Variants in SLC10A7 observed in about 807,000 individuals in gnomAD.
SLC10A7 encodes the protein sodium/bile acid cotransporter 7.
In SLC10A7, 29 loss-of-function variants were observed where a neutral mutation model predicts 43.2. The observed-to-expected ratio is 0.67, with a 90% CI of 0.50 to 0.92. The LOEUF (loss-of-function observed/expected upper bound fraction) is 0.92, where lower values mean the gene tolerates loss of function less well. Among genes scored for constraint, SLC10A7 ranks in the 40% least tolerant of loss-of-function variants. The pLI is 0.00. For missense variants in SLC10A7, 295 were observed against 403.2 expected, an observed-to-expected ratio of 0.73 and a Z score of 2.30; for synonymous variants, 152 against 144.8, an observed-to-expected ratio of 1.05 and a Z score of -0.35.
At chr4:146,391,823 C>A (rs973413999) in intron 5 of SLC10A7, among the ~76,000 whole-genome samples, 5 of 152,212 alleles carry the variant, frequency 3.3e-5, no homozygotes, top group African/African-American at 1.2e-4. Context: ...ATCTTCCATA[C>A]ATTCTGCTGT....
rs565297945 is a variant in SLC10A7, at chr4:146,442,773, G to C, written c.435+10C>G. 1.2e-5 allele frequency: 19 copies of C among 1,602,682 alleles called. No individual in the cohort carries two copies. In the South Asian group the frequency reaches 2.2e-4, roughly 18 times the overall value. On this transcript the variant is annotated intron_variant, in intron 5 of 11. Coordinates refer to ENST00000335472, the MANE Select transcript of SLC10A7 (RefSeq NM_001029998.6). ...AGTTGTAATAGACAAGTTAAACTATGTTTACTTACCAAAAAACTTCCAAAG... is the reference window on the plus strand; with the variant it reads ...AGTTGTAATAGACAAGTTAAACTATCTTTACTTACCAAAAAACTTCCAAAG...
intron 10 of SLC10A7, among the ~76,000 whole-genome samples, chr4:146,273,826 C>A (rs1729042564): frequency 6.6e-6 from 1 of 152,108 alleles, no homozygotes; most frequent in Non-Finnish European, 1.5e-5. Flanking sequence ...GCTGCCCAAA[C>A]TCCCACTGGC....
At chr4:146,439,275 T>C (rs1730429802) in intron 5 of SLC10A7, among the ~76,000 whole-genome samples, 3 of 152,184 alleles carry the variant, frequency 2.0e-5, no homozygotes, top group Non-Finnish European at 4.4e-5. Context: ...ACTGTTTAAA[T>C]TAGACCTGGG....
intron 5 of SLC10A7, among the ~76,000 whole-genome samples, chr4:146,358,641 C>A (rs560998407): frequency 6.6e-6 from 1 of 152,204 alleles, no homozygotes; most frequent in African/African-American, 2.4e-5. Flanking sequence ...TGCCTGCCTT[C>A]TTTTACTTAG....
At chr4:146,421,708 C>A (rs554710856) in intron 5 of SLC10A7, among the ~76,000 whole-genome samples, 4 of 151,994 alleles carry the variant, frequency 2.6e-5, no homozygotes, top group Admixed American at 2.6e-4. Context: ...TACCAGGTAC[C>A]GTATTTGCCA....
intron 5 of SLC10A7, among the ~76,000 whole-genome samples, chr4:146,344,703 G>C (rs963061149): frequency 6.6e-6 from 1 of 151,620 alleles, no homozygotes; most frequent in Non-Finnish European, 1.5e-5. Context: ...GATATCAAAA[G>C]AGATTTGATA....
intron 4 of SLC10A7, among the ~76,000 whole-genome samples, chr4:146,501,229 T>C (rs1384939303): frequency 3.9e-5 from 6 of 152,216 alleles, no homozygotes; most frequent in Non-Finnish European, 7.3e-5. Flanking sequence ...ATATCTCTAG[T>C]TTAGACCACT....
intron 5 of SLC10A7, among the ~76,000 whole-genome samples, chr4:146,355,641 A>T (rs1283740315): frequency 6.6e-6 from 1 of 152,018 alleles, no homozygotes; most frequent in Non-Finnish European, 1.5e-5. Context: ...AACCAACGCA[A>T]ATGTCTAACA....
chr4:146,258,863 C>G lies in SLC10A7; in HGVS notation c.848-26G>C, dbSNP rs368293128. 7 of 1,596,328 alleles carry G rather than the reference C, an allele frequency of 4.4e-6. No homozygotes were observed. The African/African-American group carries it at 8.1e-5, about 19-fold the overall frequency. ...CTGTTGAACAAAGAAGACAGAAAACCTAAACCAAATTCAGTCTGTCATCAA... is the reference window on the plus strand; with the variant it reads ...CTGTTGAACAAAGAAGACAGAAAACGTAAACCAAATTCAGTCTGTCATCAA... On this transcript the variant is annotated intron_variant, in intron 10 of 11. Transcript: ENST00000335472.
chr4:146,448,230 A>T (rs1023761669), intron 4 of SLC10A7, among the ~76,000 whole-genome samples: 6 of 152,052 alleles, frequency 3.9e-5, no homozygotes, highest in Admixed American at 6.5e-5. Flanking sequence ...TAATAAAATT[A>T]AAAAATAAAA....
At chr4:146,349,523 G>C (rs1734867234) in intron 5 of SLC10A7, among the ~76,000 whole-genome samples, 1 of 152,102 alleles carries the variant, frequency 6.6e-6, no homozygotes, top group African/African-American at 2.4e-5. Flanking sequence ...ACATCCAAAA[G>C]AAAATAAATT....
chr4:146,290,024 A>T (rs1446127353), intron 9 of SLC10A7, among the ~76,000 whole-genome samples: 7 of 146,816 alleles, frequency 4.8e-5, no homozygotes, highest in South Asian at 2.3e-4. Context: ...AGATTTTTTT[A>T]AAAGTACAGA....
Position 146,256,456 on chromosome 4 carries a change from A to G in SLC10A7, c.*35T>C. The stretch of plus-strand genomic sequence containing the variant: ...ATTGCTAGTATGTACAATCCTGTAC[A>G]TATATACATTGCTACAGAAAGTCCA... On this transcript the variant is annotated 3_prime_UTR_variant, in exon 12 of 12. Coordinates refer to ENST00000335472, the MANE Select transcript of SLC10A7 (RefSeq NM_001029998.6). 1 of 1,609,424 alleles carries G rather than the reference A, an allele frequency of 6.2e-7. No individual in the cohort carries two copies. The highest frequency in any genetic ancestry group is 1.1e-5 in the South Asian group (1 of 91,002).
intron 5 of SLC10A7, among the ~76,000 whole-genome samples, chr4:146,404,854 T>A (rs920379447): frequency 6.6e-6 from 1 of 152,140 alleles, no homozygotes; most frequent in African/African-American, 2.4e-5. Flanking sequence ...AAAGATGAAG[T>A]CTTTACTGAT....
rs551492665 is a variant in SLC10A7 at position 146,489,759 on chromosome 4, C to T, written c.396+14090G>A. 8.0e-4 allele frequency among the ~76,000 whole-genome samples: 122 copies of T among 152,242 alleles called. 1 individual carries two copies. The highest frequency in any genetic ancestry group is 2.9e-3 in the African/African-American group (120 of 41,534). ...TGCATTTCTTTACATCTCTAAGAGG[C>T]TTTGTAAAACCTGAGACAGGGCTTT... On this transcript the variant is annotated intron_variant, in intron 4 of 11. Transcript: ENST00000335472.
chr4:146,403,582 T>C (rs1208937214), intron 5 of SLC10A7, among the ~76,000 whole-genome samples: 2 of 152,186 alleles, frequency 1.3e-5, no homozygotes, highest in Admixed American at 6.5e-5. Flanking sequence ...ACTTCACACC[T>C]AACTATGACA....
intron 5 of SLC10A7, among the ~76,000 whole-genome samples, chr4:146,440,617 C>G (rs1730525822): frequency 6.6e-6 from 1 of 152,064 alleles, no homozygotes; most frequent in African/African-American, 2.4e-5. Context: ...CTAATTCTAA[C>G]TGATACAGTT....
intron 5 of SLC10A7, among the ~76,000 whole-genome samples, chr4:146,338,512 TAGG>T (rs1216840197): frequency 6.6e-6 from 1 of 152,004 alleles, no homozygotes; most frequent in Admixed American, 6.6e-5. Flanking sequence ...ATATACTGGA[TAGG>T]AGTTCTTTAA....
chr4:146,429,415 C>T (rs1183205986), intron 5 of SLC10A7, among the ~76,000 whole-genome samples: 1 of 152,068 alleles, frequency 6.6e-6, no homozygotes, highest in Non-Finnish European at 1.5e-5. Flanking sequence ...TTTTTGAAAG[C>T]TTACTTTGTG....
Sources: gnomAD v4.1 joint callset for allele counts (sites outside exome capture counted in the v4.1 genomes callset) on GRCh38, gnomAD v4.1.1 for gene constraint, MANE v1.5 for transcripts, NCBI Gene and HGNC (gene_info 2026-07-23, HGNC 2026-07-21) for gene names.